Variants in PTPN12 observed in about 807,000 individuals in gnomAD.
PTPN12 encodes the protein tyrosine-protein phosphatase non-receptor type 12.
PTPN12 carries 29 observed loss-of-function variants against 97.6 expected under a neutral mutation model. The ratio of observed to expected loss-of-function variants is 0.30; its 90% confidence interval spans 0.22 to 0.41. The LOEUF (loss-of-function observed/expected upper bound fraction) is 0.41, where lower values mean the gene tolerates loss of function less well. PTPN12 is among the 10% of genes least tolerant of loss of function. PTPN12 has a pLI of 1.00. For missense variants in PTPN12, 819 were observed against 926.0 expected, an observed-to-expected ratio of 0.88 and a Z score of 1.50; for synonymous variants, 327 against 300.4, an observed-to-expected ratio of 1.09 and a Z score of -0.91.
chr7:77,559,040 G>C (rs556527936), intron 1 of PTPN12, among the ~76,000 whole-genome samples: 1 of 152,152 alleles, frequency 6.6e-6, no homozygotes, highest in South Asian at 2.1e-4. Context: ...AAAATAATAT[G>C]GTTTATGTTG....
chr7:77,608,008 G>A (rs1788434023), intron 9 of PTPN12, among the ~76,000 whole-genome samples: 2 of 152,164 alleles, frequency 1.3e-5, no homozygotes, highest in African/African-American at 4.8e-5. Flanking sequence ...ACTCATCTCG[G>A]CCTTCCAAAG....
intron 8 of PTPN12, chr7:77,606,841 T>A: frequency 6.0e-6 from 1 of 165,808 alleles, no homozygotes; most frequent in South Asian, 1.6e-4. Flanking sequence ...TGGACTGTCA[T>A]GGTGTCCCAG....
At chr7:77,564,746 G>GT (rs764476553) in intron 1 of PTPN12, among the ~76,000 whole-genome samples, 1,485 of 45,160 alleles carry the variant, frequency 0.033, 506 homozygotes, top group Non-Finnish European at 0.042. Context: ...TTGTTGTCGT[G>GT]TTTTTTTTTT....
intron 1 of PTPN12, among the ~76,000 whole-genome samples, chr7:77,562,070 T>C (rs1285315179): frequency 6.6e-6 from 1 of 151,576 alleles, no homozygotes; most frequent in Non-Finnish European, 1.5e-5. Flanking sequence ...TATTTATTTT[T>C]TGAGACAGAG....
chr7:77,554,549 A>ATTTATTCTTTCTCTCATTTCTTCT (rs1435279031), intron 1 of PTPN12, among the ~76,000 whole-genome samples: 1 of 152,232 alleles, frequency 6.6e-6, no homozygotes, highest in Non-Finnish European at 1.5e-5. Context: ...TTTTACTTTC[A>ATTTATTCTTTCTCTCATTTCTTCT]TTTATTCTTT....
At chr7:77,623,404 TA>T (rs1789015416) in intron 12 of PTPN12, among the ~76,000 whole-genome samples, 1 of 152,336 alleles carries the variant, frequency 6.6e-6, no homozygotes, top group South Asian at 2.1e-4. Flanking sequence ...GTTAATCAAG[TA>T]AATCTGTAAA....
At chr7:77,551,688 A>G (rs1184200834) in intron 1 of PTPN12, among the ~76,000 whole-genome samples, 1 of 152,214 alleles carries the variant, frequency 6.6e-6, no homozygotes, top group Non-Finnish European at 1.5e-5. Context: ...TTGCTTCACC[A>G]TTCTTCCATC....
intron 8 of PTPN12, chr7:77,604,852 A>G: frequency 4.7e-6 from 2 of 429,406 alleles, no homozygotes; most frequent in Non-Finnish European, 9.5e-6. Flanking sequence ...TGTGATCAGA[A>G]TTTAATTTTT....
intron 2 of PTPN12, among the ~76,000 whole-genome samples, chr7:77,579,743 C>T (rs923424176): frequency 3.3e-5 from 5 of 152,114 alleles, no homozygotes; most frequent in Admixed American, 1.3e-4. Context: ...ACATAGATCT[C>T]ATAAAAATCA....
intron 4 of PTPN12, 77 bp downstream of exon 4, chr7:77,583,727 TGA>T (rs757172236): frequency 8.9e-5 from 78 of 878,384 alleles, no homozygotes; most frequent in Non-Finnish European, 1.2e-4. Context: ...GAATAAGGAA[TGA>T]GGGGATTTTT....
Position 77,537,361 on chromosome 7 carries a change from G to A in PTPN12, c.-186G>A. 1 of 731,750 alleles carries A rather than the reference G, an allele frequency of 1.4e-6. No individual in the cohort carries two copies. Among genetic ancestry groups the A allele is most frequent in the African/African-American group, 1.9e-5 (1 of 51,992 alleles). 45.3% of individuals were successfully genotyped at this position (731,750 alleles called of 1,614,324 possible). On this transcript the variant is annotated 5_prime_UTR_variant, in exon 1 of 18. Coordinates refer to ENST00000248594, the MANE Select transcript of PTPN12 (RefSeq NM_002835.4). ...CTGCTCCTGGAAGTTGTGGTGTCGG[G>A]AGCCCAGCCGGTGCCGCCGCAGCCG...
At chr7:77,565,182 G>A (rs17381139) in intron 1 of PTPN12, among the ~76,000 whole-genome samples, 3,073 of 152,034 alleles carry the variant, frequency 0.02, 39 homozygotes, top group Middle Eastern at 0.075. Context: ...ATCTTATTCC[G>A]AAAGGAATTT....
At chr7:77,581,062 TG>T (rs1414605339) in intron 2 of PTPN12, among the ~76,000 whole-genome samples, 2 of 142,778 alleles carry the variant, frequency 1.4e-5, no homozygotes, top group Non-Finnish European at 3.0e-5. Context: ...TGTTTTGTTT[TG>T]TTTTTTTGCT....
At chr7:77,605,258 A>G (rs1015954989) in intron 8 of PTPN12, among the ~76,000 whole-genome samples, 7 of 152,110 alleles carry the variant, frequency 4.6e-5, no homozygotes, top group African/African-American at 1.7e-4. Context: ...ATATGCATTA[A>G]AATGTTACAC....
At chr7:77,539,249 C>A (rs538145077) in intron 1 of PTPN12, among the ~76,000 whole-genome samples, 3 of 152,212 alleles carry the variant, frequency 2.0e-5, no homozygotes, top group South Asian at 4.1e-4. Flanking sequence ...ATTCCCGCCT[C>A]CCCAGACCAA....
chr7:77,604,209 C>CTTTTTTTTTTTTTTT (rs71082768), intron 8 of PTPN12, among the ~76,000 whole-genome samples: 32 of 52,788 alleles, frequency 6.1e-4, no homozygotes, highest in South Asian at 1.0e-3. Context: ...TTTTTTCTTC[C>CTTTTTTTTTTTTTTT]TTTTTTTTTT....
intron 5 of PTPN12, among the ~76,000 whole-genome samples, chr7:77,586,129 G>A (rs1461677807): frequency 2.0e-5 from 3 of 151,876 alleles, no homozygotes; most frequent in Non-Finnish European, 4.4e-5. Context: ...AATTTTTGTA[G>A]TTTTAGTAAA....
chr7:77,621,375 A>T (rs1046824947), intron 12 of PTPN12, among the ~76,000 whole-genome samples: 2 of 152,102 alleles, frequency 1.3e-5, no homozygotes, highest in Non-Finnish European at 2.9e-5. Flanking sequence ...TACACTCAAA[A>T]TTAACAACAA....
chr7:77,582,194 A>G (rs964681795), intron 3 of PTPN12, among the ~76,000 whole-genome samples: 1 of 135,868 alleles, frequency 7.4e-6, no homozygotes, highest in African/African-American at 2.8e-5. Context: ...TCCCGGGTTC[A>G]CGCCATTCTC....
Sources: allele counts gnomAD v4.1 joint callset (sites outside exome capture counted in the v4.1 genomes callset), GRCh38; gene constraint gnomAD v4.1.1; transcripts MANE v1.5; gene names NCBI Gene and HGNC (gene_info 2026-07-23, HGNC 2026-07-21).